The following PSME3IP1 variants were observed in gnomAD, a reference collection of about 807,000 sequenced individuals.
The protein encoded by PSME3IP1 is PSME3-interacting protein.
PSME3IP1 carries 13 observed loss-of-function variants against 34.1 expected under a neutral mutation model. The observed-to-expected ratio is 0.38, with a 90% CI of 0.25 to 0.61. PSME3IP1 has a LOEUF of 0.61. Among genes scored for constraint, PSME3IP1 ranks in the 20% least tolerant of loss-of-function variants. PSME3IP1 has a pLI of 0.60. For missense variants in PSME3IP1, 237 were observed against 301.4 expected (o/e 0.79, Z 1.58); for synonymous variants, 93 against 114.3 (o/e 0.81, Z 1.19).
chr16:57,154,338 C>T lies in PSME3IP1; in HGVS notation c.717G>A (p.Lys239=). ...TGGTTCGGAAGATGGAGGAGACAAT[C>T]TTTCCGGTGGCATTGATGGTGCCTT... ...DSEGTINATG[K]IVSSIFRTNT... The change falls in exon 7 of 7, where the codon AAG becomes AAA. Residue 239 remains lysine (K), a synonymous_variant. Transcript: ENST00000309137. The surrounding 1 kb of genome is among the most constrained non-coding windows in gnomAD (Gnocchi z 4.0). 6.2e-7 allele frequency: 1 copy of T among 1,614,080 alleles called. No homozygotes were observed.
chr16:57,183,743 T>C (rs1363803454), intron 1 of PSME3IP1, among the ~76,000 whole-genome samples: 1 of 152,238 alleles, frequency 6.6e-6, no homozygotes, highest in Admixed American at 6.5e-5. Flanking sequence ...GATTTCATCC[T>C]GAGGACTTCT....
intron 6 of PSME3IP1, among the ~76,000 whole-genome samples, chr16:57,161,675 G>T (rs2071255037): frequency 6.6e-6 from 1 of 151,756 alleles, no homozygotes; most frequent in Non-Finnish European, 1.5e-5. Context: ...AGCACACCCA[G>T]CTAATTTTTT....
At chr16:57,159,176 T>C (rs942972151) in intron 6 of PSME3IP1, among the ~76,000 whole-genome samples, 2 of 152,172 alleles carry the variant, frequency 1.3e-5, no homozygotes. Context: ...AATCAAGGAA[T>C]CTGGACCACT....
In PSME3IP1 at chr16:57,178,570, G is replaced by A. The variant is rs1018474554; in HGVS notation, c.-15-4701C>T. The A allele has an allele frequency of 2.4e-5, 24 of 985,388 alleles. No homozygotes were observed. In the East Asian group the frequency reaches 9.1e-4, roughly 37 times the overall value. The allele number at this position is 985,388 out of a possible 1,614,324, so 61.0% of individuals were successfully genotyped here. A position where few individuals can be genotyped will look rare whatever the true frequency, so the allele number is the denominator to read the frequency against. ...GAATGAACTCACATGAATATTCCTA[G>A]GTACTGTGCAATGTAAGTTATAGAG... On this transcript the variant is annotated intron_variant, in intron 1 of 6. Transcript: ENST00000309137.
chr16:57,178,727 G>A (rs2145925230), intron 1 of PSME3IP1: 4 of 982,828 alleles, frequency 4.1e-6, no homozygotes, highest in Non-Finnish European at 4.8e-6. Flanking sequence ...TATAATTGAT[G>A]TCATCTTTCA....
intron 6 of PSME3IP1, among the ~76,000 whole-genome samples, chr16:57,159,815 G>A (rs973063817): frequency 1.3e-5 from 2 of 152,176 alleles, no homozygotes; most frequent in Non-Finnish European, 2.9e-5. Context: ...CAGGAAATAA[G>A]TACCATATAA....
chr16:57,171,948 C>T (rs2072632838), intron 4 of PSME3IP1, among the ~76,000 whole-genome samples: 1 of 152,200 alleles, frequency 6.6e-6, no homozygotes, highest in African/African-American at 2.4e-5. Context: ...AGCCCAATTT[C>T]TCCCCTGGAT....
At chr16:57,163,196 T>C (rs2071477741) in intron 6 of PSME3IP1, among the ~76,000 whole-genome samples, 1 of 152,086 alleles carries the variant, frequency 6.6e-6, no homozygotes, top group South Asian at 2.1e-4. Flanking sequence ...ATAATTCTGT[T>C]TCCCTCTAAG....
At chr16:57,176,603 A>G (rs1030392627) in intron 1 of PSME3IP1, among the ~76,000 whole-genome samples, 1 of 152,220 alleles carries the variant, frequency 6.6e-6, no homozygotes, top group Non-Finnish European at 1.5e-5. Context: ...ACTATACAAA[A>G]AGAATCAAAT....
At chr16:57,159,565 A>T (rs1286926908) in intron 6 of PSME3IP1, among the ~76,000 whole-genome samples, 1 of 152,134 alleles carries the variant, frequency 6.6e-6, no homozygotes, top group Non-Finnish European at 1.5e-5. Context: ...CCAAGACGGA[A>T]ATCCTCCCAC....
At chr16:57,176,847 T>C (rs2073215367) in intron 1 of PSME3IP1, among the ~76,000 whole-genome samples, 1 of 151,896 alleles carries the variant, frequency 6.6e-6, no homozygotes, top group Non-Finnish European at 1.5e-5. Context: ...TTCATTCTTG[T>C]TATATATATA....
In PSME3IP1 at chr16:57,154,143, C is replaced by T. The variant is rs543889739; in HGVS notation, c.*147G>A. Reference sequence around the variant, plus strand: ...TTCGGGCCACAGGTGGATTCTGGCACATTTTTAGATTGGATTGGTTAAAAA... The same window carrying T: ...TTCGGGCCACAGGTGGATTCTGGCATATTTTTAGATTGGATTGGTTAAAAA... On this transcript the variant is annotated 3_prime_UTR_variant, in exon 7 of 7. Coordinates refer to ENST00000309137, the MANE Select transcript of PSME3IP1 (RefSeq NM_024946.4). This position sits in a 1 kb window ranked among gnomAD's most constrained non-coding sequence, Gnocchi z 4.0. 4 of 684,588 alleles carry T rather than the reference C, an allele frequency of 5.8e-6. No individual in the cohort carries two copies. The highest frequency in any genetic ancestry group is 1.9e-5 in the South Asian group (1 of 52,006). 42.4% of individuals were successfully genotyped at this position (684,588 alleles called of 1,614,324 possible).
In PSME3IP1 at chr16:57,176,588, C is replaced by T. The variant is rs189885441; in HGVS notation, c.-15-2719G>A. ...AAATTCAATACATAGGTTCAATCCA[C>T]TGGGACTATACAAAAAGAATCAAAT... On this transcript the variant is annotated intron_variant, in intron 1 of 6. Transcript: ENST00000309137. Among the ~76,000 whole-genome samples the T allele has an allele frequency of 1.9e-3, 291 of 152,346 alleles. 2 individuals carry two copies. Among genetic ancestry groups the T allele is most frequent in the Admixed American group, 8.0e-3 (123 of 15,306 alleles).
intron 2 of PSME3IP1, 40 bp downstream of exon 2, chr16:57,173,688 G>A (rs1178379150): frequency 1.2e-6 from 2 of 1,609,730 alleles, no homozygotes; most frequent in Non-Finnish European, 1.7e-6. Flanking sequence ...CAGGGTTGCT[G>A]TGTGGATTAA....
chr16:57,156,652 T>C (rs1315675966), intron 6 of PSME3IP1, among the ~76,000 whole-genome samples: 1 of 152,174 alleles, frequency 6.6e-6, no homozygotes, highest in African/African-American at 2.4e-5. Flanking sequence ...GAGCAAATAC[T>C]TGTACTATCA....
chr16:57,161,705 G>A (rs1313321860), intron 6 of PSME3IP1, among the ~76,000 whole-genome samples: 4 of 151,738 alleles, frequency 2.6e-5, no homozygotes, highest in African/African-American at 9.7e-5. Context: ...GTAGAGACGG[G>A]GTTTCACCGT....
chr16:57,179,801 G>C (rs1401185186), intron 1 of PSME3IP1, among the ~76,000 whole-genome samples: 6 of 152,176 alleles, frequency 3.9e-5, no homozygotes, highest in African/African-American at 1.4e-4. Context: ...CCTTTTGTGA[G>C]TAAATATAGA....
chr16:57,186,097 G>C (rs2074157978), upstream of PSME3IP1: 3 of 985,370 alleles, frequency 3.0e-6, no homozygotes, highest in African/African-American at 3.5e-5. Context: ...TCCTCCCCGG[G>C]AGCCCGATGG....
At chr16:57,176,899 G>A (rs1474618922) in intron 1 of PSME3IP1, among the ~76,000 whole-genome samples, 3 of 151,890 alleles carry the variant, frequency 2.0e-5, no homozygotes, top group African/African-American at 7.3e-5. Flanking sequence ...CTGCCGCCCA[G>A]GCCGGAGTGC....
Sources: allele counts gnomAD v4.1 joint callset (sites outside exome capture counted in the v4.1 genomes callset), GRCh38; gene constraint gnomAD v4.1.1; non-coding constraint Gnocchi (gnomAD v3.1); transcripts MANE v1.5; gene names NCBI Gene and HGNC (gene_info 2026-07-23, HGNC 2026-07-21).